The following LRIG2 variants were observed in gnomAD, a reference collection of about 807,000 sequenced individuals.
LRIG2 encodes leucine-rich repeats and immunoglobulin-like domains protein 2.
In LRIG2, 93 loss-of-function variants were observed where a neutral mutation model predicts 107.8. The ratio of observed to expected loss-of-function variants is 0.86; its 90% CI spans 0.73 to 1.03. The LOEUF is 1.03. LRIG2 is among the 50% of genes least tolerant of loss of function. The pLI is 0.00. For missense variants in LRIG2, 1,226 were observed against 1,296.0 expected, an observed-to-expected ratio of 0.95 and a Z score of 0.83; for synonymous variants, 471 against 470.6, an observed-to-expected ratio of 1.00 and a Z score of -0.01.
At chr1:113,093,322 AAGT>A in intron 3 of LRIG2, 42 bp downstream of exon 3, 1 of 1,554,828 alleles carries the variant, frequency 6.4e-7, no homozygotes. Flanking sequence ...AAATTATGAA[AAGT>A]ATACATTTTT....
chr1:113,085,188 C>T (rs12078513), intron 1 of LRIG2, among the ~76,000 whole-genome samples: 2,446 of 152,276 alleles, frequency 0.016, 80 homozygotes, highest in African/African-American at 0.055. Context: ...GCCAGAATAA[C>T]TAGTGGGTGA....
Position 113,073,652 on chromosome 1 carries a change from A to G in LRIG2, c.239+7A>G. 6.2e-7 allele frequency: 1 copy of G among 1,606,730 alleles called. No individual in the cohort carries two copies. Among genetic ancestry groups the G allele is most frequent in the Middle Eastern group, 1.7e-4 (1 of 6,050 alleles). On this transcript the variant is annotated splice_region_variant and intron_variant, in intron 1 of 17. Transcript: ENST00000361127. Reference sequence around the variant, plus strand: ...CCCCCGACACCGCTATCCTGTGAGTAGAGCGGCCAGGCAGAGTGACCAAAA... The same window carrying G: ...CCCCCGACACCGCTATCCTGTGAGTGGAGCGGCCAGGCAGAGTGACCAAAA...
Position 113,100,208 on chromosome 1 carries a change from CAGA to C in LRIG2, c.1173-1_1174del. The C allele has an allele frequency of 6.5e-7, 1 of 1,543,964 alleles. No homozygotes were observed. Among genetic ancestry groups the C allele is most frequent in the Non-Finnish European group, 8.9e-7 (1 of 1,128,702 alleles). On this transcript the variant is annotated splice_acceptor_variant and coding_sequence_variant, in exon 10 of 18. Transcript: ENST00000361127. LOFTEE classifies it high-confidence loss of function. ...TTCTTAGAAAGATCTGTTTATATTT[CAGA>C]ATCTTACAAGGAAACCAGATTAAGT...
At position 113,073,615 on chromosome 1, in the gene LRIG2, C is replaced by T; in HGVS notation, c.209C>T (p.Ser70Leu). 6 of 1,613,294 alleles carry T rather than the reference C, an allele frequency of 3.7e-6. No individual in the cohort carries two copies. The highest frequency in any genetic ancestry group is 2.2e-5 in the East Asian group (1 of 44,864). ...CCCGCACCGAGCTGGAGGGCGCTGT[C>T]GGGCTTGCTGCCCCCCGACACCGCT... ...KLPAPSWRAL[S>L]GLLPPDTAIL... The change falls in exon 1 of 18, where the codon TCG becomes TTG. Residue 70 changes from serine (S) to leucine (L), a missense_variant. This residue lies in a region of LRIG2 where 570 missense variants were observed against 550.2 expected (regional missense o/e 1.04). Coordinates refer to ENST00000361127, the MANE Select transcript of LRIG2 (RefSeq NM_014813.3).
chr1:113,093,664 C>A (rs554385336), intron 4 of LRIG2, 100 bp downstream of exon 4: 14 of 673,632 alleles, frequency 2.1e-5, no homozygotes, highest in South Asian at 5.0e-5. Context: ...GGGAGATATA[C>A]CTAATGCTAG....
At chr1:113,082,739 C>T (rs1447381871) in intron 1 of LRIG2, among the ~76,000 whole-genome samples, 1 of 151,826 alleles carries the variant, frequency 6.6e-6, no homozygotes, top group African/African-American at 2.4e-5. Context: ...CTGCAACCTC[C>T]ACCTCCCAGT....
In LRIG2 at chr1:113,123,961, C is replaced by G. The variant is rs766595868; in HGVS notation, c.3058C>G (p.Pro1020Ala). ...PFSQQPVHESPQLHQNEGLAG... is the reference protein window; with the variant it reads ...PFSQQPVHESAQLHQNEGLAG... ...TTCCCAGCAGCCAGTCCATGAGTCA[C>G]CACAACTTCATCAAAATGAGGGCCT... is the stretch of plus-strand genomic sequence containing the variant. The change falls in exon 18 of 18, where the codon CCA becomes GCA. Residue 1020 changes from proline to alanine, a missense_variant. Around this residue, in one of 3 missense-constraint regions of LRIG2, gnomAD observed 642 missense variants for 712.2 expected, o/e 0.90. Coordinates refer to ENST00000361127, the MANE Select transcript of LRIG2 (RefSeq NM_014813.3). The G allele has an allele frequency of 5.6e-6, 9 of 1,614,000 alleles. No individual in the cohort carries two copies. The African/African-American group carries it at 6.7e-5, about 12-fold the overall frequency.
At chr1:113,093,890 TAG>T (rs1392377507) in intron 4 of LRIG2, among the ~76,000 whole-genome samples, 1 of 152,244 alleles carries the variant, frequency 6.6e-6, no homozygotes, top group Non-Finnish European at 1.5e-5. Flanking sequence ...GAGACAAACC[TAG>T]AGTTGGTGTG....
Position 113,098,796 on chromosome 1 carries a change from T to G in LRIG2, c.1172+11T>G. 1.3e-6 allele frequency: 2 copies of G among 1,533,232 alleles called. No homozygotes were observed. Among genetic ancestry groups the G allele is most frequent in the Non-Finnish European group, 1.8e-6 (2 of 1,106,872 alleles). 95.0% of individuals were successfully genotyped at this position (1,533,232 alleles called of 1,614,324 possible). ...AAGTCTCACTAAACTGTATGTATTA[T>G]AATATTTATGTATGTCTACATAGGC... On this transcript the variant is annotated intron_variant, in intron 9 of 17. Transcript: ENST00000361127.
chr1:113,089,225 G>T (rs1236909333), intron 1 of LRIG2, among the ~76,000 whole-genome samples: 6 of 152,180 alleles, frequency 3.9e-5, no homozygotes. Context: ...ATGTGTCCCT[G>T]TTGCTAGCCA....
Position 113,093,529 on chromosome 1 carries a change from G to A in LRIG2, c.480G>A (p.Lys160=), listed in dbSNP as rs769515648. ...GCTCAAATATAATATCAGAAATCAA[G>A]ACATCTTCATTTCCTCGCATGCAGC... is the stretch of plus-strand genomic sequence containing the variant. ...DLSSNIISEI[K]TSSFPRMQLK... Residue 160 remains lysine (K), a synonymous_variant, in exon 4 of 18, where the codon AAG becomes AAA. Transcript: ENST00000361127. The A allele has an allele frequency of 2.7e-5, 42 of 1,580,718 alleles. No individual in the cohort carries two copies. The Admixed American group carries it at 7.2e-4, about 27-fold the overall frequency.
intron 13 of LRIG2, among the ~76,000 whole-genome samples, chr1:113,111,469 C>A (rs1654771812): frequency 6.6e-6 from 1 of 152,114 alleles, no homozygotes; most frequent in South Asian, 2.1e-4. Flanking sequence ...TTATCCCTAG[C>A]CCCCGCTCAC....
chr1:113,102,162 G>C (rs1161126204), intron 11 of LRIG2, among the ~76,000 whole-genome samples: 2 of 152,138 alleles, frequency 1.3e-5, no homozygotes, highest in Non-Finnish European at 2.9e-5. Flanking sequence ...AGTAAAATGA[G>C]TTTAGAGAGT....
chr1:113,105,989 G>A (rs1378270603), intron 11 of LRIG2, among the ~76,000 whole-genome samples: 1 of 152,154 alleles, frequency 6.6e-6, no homozygotes, highest in Non-Finnish European at 1.5e-5. Context: ...CAGCACTCTG[G>A]GAGGCCAAGG....
rs1179890777 is a variant in LRIG2, at chr1:113,096,380, TCTC to T, written c.1091+18_1091+20del. The T allele has an allele frequency of 3.7e-6, 6 of 1,604,060 alleles. No homozygotes were observed. In the East Asian group the frequency reaches 1.3e-4, roughly 36 times the overall value. On this transcript the variant is annotated intron_variant, in intron 8 of 17. Transcript: ENST00000361127. The stretch of plus-strand genomic sequence containing the variant: ...CTTCAGACATTGTAAGTATATCCAT[TCTC>T]CTTTTTGGTTGTTGTTACTGATTTT...
chr1:113,090,711 G>A (rs1046041878), intron 1 of LRIG2, among the ~76,000 whole-genome samples: 2 of 151,386 alleles, frequency 1.3e-5, no homozygotes, highest in Non-Finnish European at 3.0e-5. Context: ...GGTGGCGGGC[G>A]CCTGTAGTCC....
chr1:113,098,723 A>T lies in LRIG2; in HGVS notation c.1110A>T (p.Glu370Asp). ...TTTGTAGAGACTTAAGAAACAATGA[A>T]ATTTCATGGGCCATAGAAGATGCTA... ...NLQTLDLRNN[E>D]ISWAIEDASE... The change falls in exon 9 of 18, where the codon GAA becomes GAT. Residue 370 changes from glutamate to aspartate, a missense_variant. By Grantham distance (45) the Glu-to-Asp change is conservative. Coordinates refer to ENST00000361127, the MANE Select transcript of LRIG2 (RefSeq NM_014813.3). The T allele has an allele frequency of 6.2e-7, 1 of 1,612,326 alleles. No homozygotes were observed.
At chr1:113,106,438 C>T (rs753726301) in intron 11 of LRIG2, among the ~76,000 whole-genome samples, 49 of 152,050 alleles carry the variant, frequency 3.2e-4, no homozygotes, top group Admixed American at 2.9e-3. Flanking sequence ...GGTTATAAAC[C>T]ACAAATACTT....
intron 17 of LRIG2, 148 bp from the exon 18 acceptor site, chr1:113,123,727 T>TTTTTTTTGTGTGTG (rs1437564600): frequency 3.4e-6 from 2 of 580,736 alleles, no homozygotes; most frequent in African/African-American, 4.0e-5. Context: ...GTGGTGGTTT[T>TTTTTTTTGTGTGTG]TGTGTGTGTG....
Sources: allele counts gnomAD v4.1 joint callset (sites outside exome capture counted in the v4.1 genomes callset), GRCh38; gene constraint gnomAD v4.1.1; regional missense constraint gnomAD v4.1.1; transcripts MANE v1.5; gene names NCBI Gene and HGNC (gene_info 2026-07-23, HGNC 2026-07-21).